The following SLC9A8 variants were observed in gnomAD, a reference collection of about 807,000 sequenced individuals.
The protein encoded by SLC9A8 is sodium/hydrogen exchanger 8.
SLC9A8 carries 48 observed loss-of-function variants against 66.6 expected under a neutral mutation model. That is an observed-to-expected ratio of 0.72 (90% CI 0.57 to 0.92). The LOEUF (loss-of-function observed/expected upper bound fraction) is 0.92, where lower values mean the gene tolerates loss of function less well. SLC9A8 is among the 40% of genes least tolerant of loss of function. The probability of loss-of-function intolerance (pLI) is 0.00; values close to 1 mark genes in which losing one functional copy is unlikely to be tolerated. For synonymous variants in SLC9A8, 274 were observed against 282.6 expected (o/e 0.97, Z 0.31); for missense variants, 599 against 747.3 (o/e 0.80, Z 2.31).
chr20:49,866,242 G>T (rs556849907), intron 10 of SLC9A8, among the ~76,000 whole-genome samples: 1 of 152,148 alleles, frequency 6.6e-6, no homozygotes, highest in Non-Finnish European at 1.5e-5. Flanking sequence ...AGAGACATCC[G>T]TGTTTTTGCG....
rs556705236 is a variant in SLC9A8, at chr20:49,834,544, G to A, written c.290-4997G>A. On this transcript the variant is annotated intron_variant, in intron 3 of 15. Transcript: ENST00000361573. The stretch of plus-strand genomic sequence containing the variant: ...TATATAATATCTGGTGGCCAGTTGT[G>A]TGAAATACATTCATTTTCTCTGTTG... 2.5e-3 allele frequency among the ~76,000 whole-genome samples: 369 copies of A among 148,686 alleles called. 1 individual carries two copies. Among genetic ancestry groups the A allele is most frequent in the Non-Finnish European group, 4.4e-3 (294 of 67,316 alleles).
At chr20:49,849,935 T>G (rs1184319155) in intron 6 of SLC9A8, among the ~76,000 whole-genome samples, 1 of 152,258 alleles carries the variant, frequency 6.6e-6, no homozygotes, top group East Asian at 1.9e-4. Flanking sequence ...TATTTGAGTT[T>G]ATTTGCAAAC....
intron 7 of SLC9A8, 150 bp from the exon 8 acceptor site, chr20:49,855,288 G>A: frequency 2.5e-6 from 2 of 806,272 alleles, no homozygotes; most frequent in East Asian, 5.0e-5. Context: ...CAGCAGATAA[G>A]TGGGGAAAAA....
At chr20:49,854,659 A>G (rs1336086615) in intron 7 of SLC9A8, among the ~76,000 whole-genome samples, 1 of 152,110 alleles carries the variant, frequency 6.6e-6, no homozygotes, top group African/African-American at 2.4e-5. Context: ...TGGCTCTGCT[A>G]CTTGTTAGCT....
intron 2 of SLC9A8, among the ~76,000 whole-genome samples, chr20:49,821,113 G>A (rs1288812926): frequency 6.6e-6 from 1 of 152,120 alleles, no homozygotes; most frequent in Non-Finnish European, 1.5e-5. Context: ...TTTAATGGCT[G>A]AAGGCTGTTA....
Position 49,871,190 on chromosome 20 carries a change from G to A in SLC9A8, c.959-3515G>A, listed in dbSNP as rs949860623. Among the ~76,000 whole-genome samples, 11 of 152,258 alleles carry A rather than the reference G, an allele frequency of 7.2e-5. 1 individual carries two copies. The East Asian group carries it at 1.4e-3, about 19-fold the overall frequency. On this transcript the variant is annotated intron_variant, in intron 10 of 15. Coordinates refer to ENST00000361573, the MANE Select transcript of SLC9A8 (RefSeq NM_015266.3). Reference sequence around the variant, plus strand: ...TTTATTATTGAGTAATTAACACAGCGTACTCATTACGGTTTCACTCAGCCC... The same window carrying A: ...TTTATTATTGAGTAATTAACACAGCATACTCATTACGGTTTCACTCAGCCC...
intron 3 of SLC9A8, among the ~76,000 whole-genome samples, chr20:49,837,554 ATTTTTATTTTC>A (rs2087586613): frequency 6.6e-6 from 1 of 151,602 alleles, no homozygotes. Context: ...TTTTTTTATT[ATTTTTATTTTC>A]ATTTTATTTT....
intron 3 of SLC9A8, among the ~76,000 whole-genome samples, chr20:49,834,181 CTCTCTATATATATATATA>C (rs1204246827): frequency 8.7e-5 from 4 of 46,142 alleles, no homozygotes; most frequent in South Asian, 6.7e-4. Context: ...CTCTCTCTCT[CTCTCTATATATATATATA>C]TATATATATA....
At chr20:49,813,689 A>C (rs1438737242) in intron 1 of SLC9A8, among the ~76,000 whole-genome samples, 1 of 152,208 alleles carries the variant, frequency 6.6e-6, no homozygotes, top group African/African-American at 2.4e-5. Flanking sequence ...AAGGAAGCAA[A>C]ATAGAGTTAA....
rs188485456 is a variant in SLC9A8 at position 49,885,783 on chromosome 20, C to T, written c.1492-969C>T. ...ATACCCACTTTGCAGATGAGAATGC[C>T]GAGGCACCAAGAGAATCAGACAGCT... On this transcript the variant is annotated intron_variant, in intron 14 of 15. Coordinates refer to ENST00000361573, the MANE Select transcript of SLC9A8 (RefSeq NM_015266.3). Among the ~76,000 whole-genome samples the T allele has an allele frequency of 5.6e-3, 860 of 152,280 alleles. 5 individuals carry two copies. Among genetic ancestry groups the T allele is most frequent in the Middle Eastern group, 0.031 (9 of 294 alleles).
At position 49,883,972 on chromosome 20, in the gene SLC9A8, G is replaced by A; in HGVS notation, c.1397G>A (p.Ser466Asn). The change falls in exon 14 of 16, where the codon AGC becomes AAC. Residue 466 changes from serine to asparagine, a missense_variant. Physicochemically the swap from Ser to Asn is conservative, Grantham distance 46. Coordinates refer to ENST00000361573, the MANE Select transcript of SLC9A8 (RefSeq NM_015266.3). ...TTCACCATCCTGCTGCTGGGCGGCA[G>A]CACCATGCCCCTCATTCGCCTCATG... ...VLFTILLLGGSTMPLIRLMDI... is the reference protein window; with the variant it reads ...VLFTILLLGGNTMPLIRLMDI... The A allele has an allele frequency of 1.2e-6, 2 of 1,613,400 alleles. No homozygotes were observed. The highest frequency in any genetic ancestry group is 1.7e-6 in the Non-Finnish European group (2 of 1,179,982).
At position 49,886,791 on chromosome 20, in the gene SLC9A8, G is replaced by A. The variant is rs1261050087; in HGVS notation, c.1531G>A (p.Glu511Lys). The change falls in exon 15 of 16, where the codon GAG (glutamate) becomes AAG (lysine). Residue 511 changes from glutamate to lysine, a missense_variant. Physicochemically the swap from Glu to Lys is moderately conservative, Grantham distance 56 (BLOSUM62 1). This residue lies in a region of SLC9A8 where 467 missense variants were observed against 626.5 expected (regional missense o/e 0.75). Coordinates refer to ENST00000361573, the MANE Select transcript of SLC9A8 (RefSeq NM_015266.3). This position sits in a 1 kb window ranked among gnomAD's most constrained non-coding sequence, Gnocchi z 4.8. Reference protein sequence around the residue: ...VESEHLSELTEEEYEAHYIRR... With the variant: ...VESEHLSELTKEEYEAHYIRR... ...GTCGGAGCACCTGTCGGAGCTCACGGAGGAGGAGTACGAGGCCCACTACAT... is the reference window on the plus strand; with the variant it reads ...GTCGGAGCACCTGTCGGAGCTCACGAAGGAGGAGTACGAGGCCCACTACAT... 6.2e-7 allele frequency: 1 copy of A among 1,614,174 alleles called. No homozygotes were observed. The highest frequency in any genetic ancestry group is 1.1e-5 in the South Asian group (1 of 91,078).
At chr20:49,844,976 T>A in intron 4 of SLC9A8, 60 bp from the exon 5 acceptor site, 3 of 1,229,020 alleles carry the variant, frequency 2.4e-6, no homozygotes, top group Non-Finnish European at 3.6e-6. Flanking sequence ...CTTTATTGAT[T>A]AATTTATTTC....
At chr20:49,881,152 C>G (rs865986247) in intron 13 of SLC9A8, 117 bp downstream of exon 13, 1 of 704,046 alleles carries the variant, frequency 1.4e-6, no homozygotes, top group Middle Eastern at 2.6e-4. Flanking sequence ...AATCAATACT[C>G]CCGTTTAATG....
intron 2 of SLC9A8, among the ~76,000 whole-genome samples, chr20:49,821,803 CT>C (rs1315349127): frequency 1.3e-5 from 2 of 152,080 alleles, no homozygotes; most frequent in East Asian, 3.8e-4. Context: ...AGAAATATCC[CT>C]TTCAAATCGT....
At position 49,880,914 on chromosome 20, in the gene SLC9A8, C is replaced by T. The variant is rs367998028; in HGVS notation, c.1159-10C>T. ...TTTTCACCTAAGACTTAGTTTGTTG[C>T]TATCAACAGGTGCTTGTACTATTTG... On this transcript the variant is annotated splice_polypyrimidine_tract_variant and intron_variant, in intron 12 of 15. Coordinates refer to ENST00000361573, the MANE Select transcript of SLC9A8 (RefSeq NM_015266.3). The T allele has an allele frequency of 8.2e-6, 13 of 1,580,822 alleles. No homozygotes were observed. The highest frequency in any genetic ancestry group is 1.1e-5 in the Non-Finnish European group (13 of 1,149,860).
chr20:49,870,714 T>G (rs887073447), intron 10 of SLC9A8, among the ~76,000 whole-genome samples: 2 of 152,238 alleles, frequency 1.3e-5, no homozygotes, highest in African/African-American at 4.8e-5. Flanking sequence ...TTTAATTTTA[T>G]TTTTTGAGAC....
At chr20:49,822,505 C>T (rs1199852987) in intron 2 of SLC9A8, among the ~76,000 whole-genome samples, 3 of 152,200 alleles carry the variant, frequency 2.0e-5, no homozygotes, top group Non-Finnish European at 4.4e-5. Context: ...AGGTTTCTGG[C>T]TGATCACCGT....
intron 2 of SLC9A8, among the ~76,000 whole-genome samples, chr20:49,821,440 A>T (rs6067236): frequency 0.085 from 12,996 of 152,220 alleles, 651 homozygotes; most frequent in Middle Eastern, 0.13. Context: ...ATATTTATAT[A>T]AAAATAACAC....
Sources: gnomAD v4.1 joint callset for allele counts (sites outside exome capture counted in the v4.1 genomes callset) on GRCh38, gnomAD v4.1.1 for gene constraint, gnomAD v4.1.1 regional missense constraint, Gnocchi (gnomAD v3.1) non-coding constraint, MANE v1.5 for transcripts, NCBI Gene and HGNC (gene_info 2026-07-23, HGNC 2026-07-21) for gene names.